NAALADL2: variants seen among roughly 807,000 people sequenced by gnomAD.
The protein encoded by NAALADL2 is N-acetylated alpha-linked acidic dipeptidase like 2.
In NAALADL2, 76 loss-of-function variants were observed where a neutral mutation model predicts 87.2. The ratio of observed to expected loss-of-function variants is 0.87; its 90% CI spans 0.72 to 1.05. NAALADL2 has a LOEUF of 1.05. Ranked by LOEUF, NAALADL2 falls within the 50% of genes least tolerant of loss-of-function variation. The pLI is 0.00. For missense variants in NAALADL2, 1,089 were observed against 945.8 expected (o/e 1.15, Z -1.99); for synonymous variants, 354 against 331.0 (o/e 1.07, Z -0.75).
intron 1 of NAALADL2, among the ~76,000 whole-genome samples, chr3:175,037,786 A>T (rs1753593039): frequency 1.3e-5 from 2 of 152,102 alleles, no homozygotes; most frequent in Admixed American, 6.6e-5. Flanking sequence ...CTGGAGTGTT[A>T]TGTTTGTGTG....
At position 175,234,167 on chromosome 3, in the gene NAALADL2, A is replaced by G. The variant is rs1560204479; in HGVS notation, c.782A>G (p.Tyr261Cys). The G allele has an allele frequency of 1.2e-6, 2 of 1,613,868 alleles. No individual in the cohort carries two copies. Among genetic ancestry groups the G allele is most frequent in the South Asian group, 2.2e-5 (2 of 91,076 alleles). The part of the protein sequence containing the change: ...ARKDSSQDLL[Y>C]SYAAYSAKGT... ...AAAGATAGCAGCCAAGACCTGCTCT[A>G]TTCATATGCAGCCTATTCTGCCAAA... The change falls in exon 3 of 14, where the codon TAT (tyrosine) becomes TGT (cysteine). Residue 261 changes from tyrosine (Y) to cysteine (C), a missense_variant. Tyr to Cys is a radical substitution (Grantham distance 194). Coordinates refer to ENST00000454872, the MANE Select transcript of NAALADL2 (RefSeq NM_207015.3).
intron 2 of NAALADL2, among the ~76,000 whole-genome samples, chr3:175,181,767 G>A (rs13087402): frequency 0.11 from 13,595 of 120,944 alleles, 1,483 homozygotes; most frequent in African/African-American, 0.17. Flanking sequence ...GTGTATATAT[G>A]TGTGTATATA....
intron 2 of NAALADL2, among the ~76,000 whole-genome samples, chr3:175,151,020 G>A (rs539474581): frequency 8.7e-4 from 132 of 152,180 alleles, no homozygotes; most frequent in Middle Eastern, 3.4e-3. Flanking sequence ...CTACTGGATG[G>A]AATTGAAATT....
At chr3:175,411,605 A>G (rs1713530899) in intron 5 of NAALADL2, among the ~76,000 whole-genome samples, 1 of 152,178 alleles carries the variant, frequency 6.6e-6, no homozygotes, top group African/African-American at 2.4e-5. Context: ...AAATGCTTGT[A>G]ATCATAGAGA....
chr3:174,597,647 C>T lies in NAALADL2; in HGVS notation c.-115+47010C>T, dbSNP rs116320259. Reference sequence around the variant, plus strand: ...TATTTAAAATGCAAATCTGGTCTTACCCATCCTTGGCTTCAAACCCTTTGC... The same window carrying T: ...TATTTAAAATGCAAATCTGGTCTTATCCATCCTTGGCTTCAAACCCTTTGC... On this transcript the variant is annotated intron_variant, in intron 2 of 3. Transcript: ENST00000434257. 8.1e-3 allele frequency among the ~76,000 whole-genome samples: 1,241 copies of T among 152,294 alleles called. 10 individuals are homozygous for T. The highest frequency in any genetic ancestry group is 0.014 in the Non-Finnish European group (933 of 68,018).
intron 5 of NAALADL2, among the ~76,000 whole-genome samples, chr3:175,350,046 G>A (rs1763594256): frequency 8.2e-6 from 1 of 121,890 alleles, no homozygotes; most frequent in African/African-American, 3.0e-5. Context: ...ACAAACACAA[G>A]GCTTGATTGA....
intron 3 of NAALADL2, among the ~76,000 whole-genome samples, chr3:174,827,772 C>T (rs1473414000): frequency 6.6e-6 from 1 of 152,192 alleles, no homozygotes; most frequent in African/African-American, 2.4e-5. Context: ...TTAAGCTTTA[C>T]TGGACATGAA....
chr3:175,667,905 G>A (rs1480261832), intron 11 of NAALADL2, among the ~76,000 whole-genome samples: 1 of 152,032 alleles, frequency 6.6e-6, no homozygotes, highest in East Asian at 1.9e-4. Flanking sequence ...ATTCAAAGAT[G>A]TTTCGTACTA....
rs530127033 is a variant in NAALADL2 at position 174,786,717 on chromosome 3, T to C, written c.-9+48971T>C. Among the ~76,000 whole-genome samples, 43 of 152,220 alleles carry C rather than the reference T, an allele frequency of 2.8e-4. 1 individual carries two copies. The highest frequency in any genetic ancestry group is 3.4e-3 in the Middle Eastern group (1 of 294). On this transcript the variant is annotated intron_variant, in intron 3 of 3. Coordinates refer to the NAALADL2 transcript ENST00000434257. ...CAGGTGAAACCAAATTGTAATGTTA[T>C]ATAAATGTCATAGGTCTTTGGTGGG...
At chr3:175,569,799 C>G (rs1717749223) in intron 9 of NAALADL2, among the ~76,000 whole-genome samples, 1 of 150,818 alleles carries the variant, frequency 6.6e-6, no homozygotes, top group Non-Finnish European at 1.5e-5. Context: ...ACAGCATTCT[C>G]TTATAGCAGC....
At chr3:174,813,663 T>C (rs1008192164) in intron 3 of NAALADL2, among the ~76,000 whole-genome samples, 8 of 152,164 alleles carry the variant, frequency 5.3e-5, no homozygotes, top group African/African-American at 1.2e-4. Flanking sequence ...TTTTGTTTTA[T>C]TTTTTTCATA....
chr3:174,585,724 A>G (rs917157595), intron 2 of NAALADL2, among the ~76,000 whole-genome samples: 3 of 152,146 alleles, frequency 2.0e-5, no homozygotes, highest in Non-Finnish European at 2.9e-5. Context: ...AGGAGAAAAA[A>G]TTGATAAGCA....
At chr3:174,465,789 A>G (rs1301802938) in intron 1 of NAALADL2, among the ~76,000 whole-genome samples, 1 of 152,116 alleles carries the variant, frequency 6.6e-6, no homozygotes, top group Non-Finnish European at 1.5e-5. Flanking sequence ...ACACCCTCAT[A>G]ACTAAAGATA....
Position 175,807,223 on chromosome 3 carries a change from T to C in NAALADL2, c.*4020T>C, listed in dbSNP as rs1186798021. 5 of 151,858 alleles carry C rather than the reference T, an allele frequency of 3.3e-5. No individual in the cohort carries two copies. The East Asian group carries it at 9.7e-4, about 29-fold the overall frequency. The allele number at this position is 151,858 out of a possible 1,614,324, so 9.4% of individuals were successfully genotyped here. ...AGGTGCTGTGATTTAGAACAACAGTTTTATGTTATTTTTAAAAATTCAGAA... is the reference window on the plus strand; with the variant it reads ...AGGTGCTGTGATTTAGAACAACAGTCTTATGTTATTTTTAAAAATTCAGAA... On this transcript the variant is annotated 3_prime_UTR_variant, in exon 14 of 14. Transcript: ENST00000454872.
chr3:175,797,021 T>C (rs1232971822), intron 13 of NAALADL2, among the ~76,000 whole-genome samples: 1 of 152,124 alleles, frequency 6.6e-6, no homozygotes, highest in African/African-American at 2.4e-5. Context: ...TTTCATCTCC[T>C]TCACTGATAC....
intron 10 of NAALADL2, among the ~76,000 whole-genome samples, chr3:175,605,382 A>T (rs937516397): frequency 4.6e-5 from 7 of 152,186 alleles, no homozygotes; most frequent in Non-Finnish European, 8.8e-5. Flanking sequence ...TTCCCATTAA[A>T]AAAAAGATAT....
At chr3:175,319,113 T>G (rs1759520825) in intron 4 of NAALADL2, among the ~76,000 whole-genome samples, 1 of 152,140 alleles carries the variant, frequency 6.6e-6, no homozygotes, top group South Asian at 2.1e-4. Flanking sequence ...ATTTGAAGAG[T>G]AAGTCTTAAA....
At chr3:174,781,177 G>A (rs1715934125) in intron 3 of NAALADL2, among the ~76,000 whole-genome samples, 1 of 152,000 alleles carries the variant, frequency 6.6e-6, no homozygotes, top group South Asian at 2.1e-4. Flanking sequence ...CCCTTTGTGG[G>A]TAACCCGACC....
At position 175,232,859 on chromosome 3, in the gene NAALADL2, C is replaced by A. The variant is rs559890873; in HGVS notation, c.546-1072C>A. The stretch of plus-strand genomic sequence containing the variant: ...ATTTTTGCCCCAAAAGGAAATTTTT[C>A]TTTTTAGGTCCCTTTTTATTAATAT... On this transcript the variant is annotated intron_variant, in intron 2 of 13. Transcript: ENST00000454872. Among the ~76,000 whole-genome samples, 9 of 151,630 alleles carry A rather than the reference C, an allele frequency of 5.9e-5. No homozygotes were observed. In the South Asian group the frequency reaches 1.5e-3, roughly 25 times the overall value.
Sources: allele counts gnomAD v4.1 joint callset (sites outside exome capture counted in the v4.1 genomes callset), GRCh38; gene constraint gnomAD v4.1.1; transcripts MANE v1.5; gene names NCBI Gene and HGNC (gene_info 2026-07-23, HGNC 2026-07-21).